SLC25A43: variants seen among roughly 807,000 people sequenced by gnomAD.
The protein encoded by SLC25A43 is solute carrier family 25, member 43.
Under a neutral mutation model 22.8 loss-of-function variants are expected in SLC25A43, and 10 were observed. That is an observed-to-expected ratio of 0.44 (90% confidence interval 0.27 to 0.74). The LOEUF (loss-of-function observed/expected upper bound fraction) is 0.74. SLC25A43 is among the 30% of genes least tolerant of loss of function. SLC25A43 has a pLI of 0.17. For missense variants in SLC25A43, 233 were observed against 279.1 expected (o/e 0.83, Z 1.18); for synonymous variants, 106 against 121.6 (o/e 0.87, Z 0.84).
Position 119,399,402 on chromosome X carries a change from C to G in SLC25A43, c.-2C>G. ...GGTCTTCCGGGCCCGGGTCGGGGCT[C>G]GATGGCTACGTGGAGGCGGGACGGC... On this transcript the variant is annotated 5_prime_UTR_variant, in exon 1 of 5. Transcript: ENST00000217909. 1 of 1,007,197 alleles carries G rather than the reference C, an allele frequency of 9.9e-7. No homozygotes were observed. The highest frequency in any genetic ancestry group is 1.3e-6 in the Non-Finnish European group (1 of 795,481). The allele number at this position is 1,007,197 out of a possible 1,213,427, so 83.0% of individuals were successfully genotyped here. A position where few individuals can be genotyped will look rare whatever the true frequency, so the allele number is the denominator to read the frequency against.
intron 3 of SLC25A43, among the ~76,000 whole-genome samples, chrX:119,422,147 T>C (rs960851300): frequency 3.6e-5 from 4 of 111,968 alleles, no homozygotes; most frequent in African/African-American, 1.3e-4. Context: ...ACTCCTGACC[T>C]CTGGTGATCC....
intron 3 of SLC25A43, among the ~76,000 whole-genome samples, chrX:119,421,633 T>A (rs763109519): frequency 5.2e-4 from 58 of 112,092 alleles, no homozygotes; most frequent in South Asian, 3.7e-3. Flanking sequence ...CTGTCTTTTC[T>A]GACCTACTGT....
chrX:119,424,220 A>G (rs2052483375), intron 3 of SLC25A43, among the ~76,000 whole-genome samples: 1 of 110,137 alleles, frequency 9.1e-6, no homozygotes, highest in Non-Finnish European at 1.9e-5. Flanking sequence ...CTCAAAAAAA[A>G]AAAAAAAGAA....
At chrX:119,413,100 CAGAG>C (rs2052365661) in intron 3 of SLC25A43, among the ~76,000 whole-genome samples, 1 of 108,188 alleles carries the variant, frequency 9.2e-6, no homozygotes, top group Non-Finnish European at 1.9e-5. Context: ...GCCTGGGTGA[CAGAG>C]AGAGACCCTG....
chrX:119,411,157 G>A (rs914216354), intron 3 of SLC25A43, among the ~76,000 whole-genome samples: 1 of 111,044 alleles, frequency 9.0e-6, no homozygotes, highest in African/African-American at 3.3e-5. Flanking sequence ...TAGCTAACAA[G>A]GGTCCAGCAT....
intron 3 of SLC25A43, among the ~76,000 whole-genome samples, chrX:119,429,791 C>T (rs1017732625): frequency 9.0e-6 from 1 of 111,657 alleles, no homozygotes; most frequent in East Asian, 2.8e-4. Context: ...CAGAAGATTT[C>T]CCTGGGGAAA....
In SLC25A43 at chrX:119,453,894, A is replaced by C. The variant is rs2052723834; in HGVS notation, c.*829A>C. On this transcript the variant is annotated 3_prime_UTR_variant, in exon 5 of 5. Transcript: ENST00000217909. Reference sequence around the variant, plus strand: ...CACACCACAGTGTAAATTATGCCTTATCAGAATCTAAATGAAAATAGCGAA... The same window carrying C: ...CACACCACAGTGTAAATTATGCCTTCTCAGAATCTAAATGAAAATAGCGAA... 2.7e-5 allele frequency: 3 copies of C among 112,601 alleles called. No individual in the cohort carries two copies. Among genetic ancestry groups the C allele is most frequent in the African/African-American group, 3.2e-5 (1 of 31,012 alleles). 9.3% of individuals were successfully genotyped at this position (112,601 alleles called of 1,213,427 possible). A position where few individuals can be genotyped will look rare whatever the true frequency, so the allele number is the denominator to read the frequency against.
chrX:119,405,344 T>G (rs373454894), intron 1 of SLC25A43, among the ~76,000 whole-genome samples: 12 of 109,896 alleles, frequency 1.1e-4, no homozygotes, highest in African/African-American at 3.7e-4. Context: ...TTAAATGCTT[T>G]CACCTGAATG....
At position 119,452,187 on chromosome X, in the gene SLC25A43, A is replaced by G. The variant is rs780691262; in HGVS notation, c.825+44A>G. The G allele has an allele frequency of 1.4e-5, 16 of 1,152,006 alleles. No homozygotes were observed. In the Admixed American group the frequency reaches 4.4e-4, roughly 31 times the overall value. 94.9% of individuals were successfully genotyped at this position (1,152,006 alleles called of 1,213,427 possible). A position where few individuals can be genotyped will look rare whatever the true frequency, so the allele number is the denominator to read the frequency against. On this transcript the variant is annotated intron_variant, in intron 4 of 4. Coordinates refer to ENST00000217909, the MANE Select transcript of SLC25A43 (RefSeq NM_145305.3). ...CTCCGCTGCTCCCCTGCCTCTTCCA[A>G]TTCTACCCTCTTCCTTTGTCACCCC... is the stretch of plus-strand genomic sequence containing the variant.
At chrX:119,449,622 A>AT (rs2052691809) in intron 3 of SLC25A43, among the ~76,000 whole-genome samples, 5 of 109,206 alleles carry the variant, frequency 4.6e-5, no homozygotes, top group African/African-American at 1.0e-4. Context: ...CCCAGCTACC[A>AT]GGGAGGCTAA....
At chrX:119,451,268 C>G (rs1262153152) in intron 3 of SLC25A43, among the ~76,000 whole-genome samples, 8 of 111,700 alleles carry the variant, frequency 7.2e-5, no homozygotes, top group Non-Finnish European at 1.5e-4. Flanking sequence ...GTGATGATGT[C>G]CACGGGGTGG....
chrX:119,426,740 T>C (rs867235679), intron 3 of SLC25A43, among the ~76,000 whole-genome samples: 9 of 108,939 alleles, frequency 8.3e-5, no homozygotes, highest in African/African-American at 3.0e-4. Flanking sequence ...TGATAATCAC[T>C]TGAACCAAGG....
chrX:119,434,166 G>A (rs1331438320), intron 3 of SLC25A43, among the ~76,000 whole-genome samples: 1 of 110,391 alleles, frequency 9.1e-6, no homozygotes, highest in Non-Finnish European at 1.9e-5. Flanking sequence ...AAAGGTGAGA[G>A]ACAGAGAAAA....
Position 119,399,547 on chromosome X carries a change from C to A in SLC25A43, c.144C>A (p.His48Gln). 1 of 1,064,180 alleles carries A rather than the reference C, an allele frequency of 9.4e-7. No homozygotes were observed. Among genetic ancestry groups the A allele is most frequent in the South Asian group, 2.4e-5 (1 of 41,197 alleles). 87.7% of individuals were successfully genotyped at this position (1,064,180 alleles called of 1,213,427 possible). A position where few individuals can be genotyped will look rare whatever the true frequency, so the allele number is the denominator to read the frequency against. Residue 48 changes from histidine to glutamine, a missense_variant, in exon 1 of 5, where the codon CAC becomes CAA. Physicochemically the swap from His to Gln is conservative, Grantham distance 24. Transcript: ENST00000217909. ...CCCAGGTTGGCGTCGTGCGAGGCCA[C>A]GCCCGGGGACCGTGGGCCACAGGGC... is the stretch of plus-strand genomic sequence containing the variant. Reference protein sequence around the residue: ...VLAQVGVVRGHARGPWATGHR... With the variant: ...VLAQVGVVRGQARGPWATGHR...
intron 3 of SLC25A43, among the ~76,000 whole-genome samples, chrX:119,427,177 C>G (rs768423395): frequency 9.0e-6 from 1 of 111,554 alleles, no homozygotes; most frequent in Non-Finnish European, 1.9e-5. Context: ...CAGGCCTCAG[C>G]AGCTCTGCTC....
At chrX:119,430,932 A>C (rs915696893) in intron 3 of SLC25A43, among the ~76,000 whole-genome samples, 1 of 111,918 alleles carries the variant, frequency 8.9e-6, no homozygotes, top group Non-Finnish European at 1.9e-5. Flanking sequence ...TTCAGTGTAC[A>C]TGCTTTGGCA....
intron 3 of SLC25A43, among the ~76,000 whole-genome samples, chrX:119,448,770 T>A (rs1230374303): frequency 8.9e-6 from 1 of 112,421 alleles, no homozygotes; most frequent in Non-Finnish European, 1.9e-5. Context: ...ACTTATTTAT[T>A]TTCTTTCTTT....
intron 3 of SLC25A43, chrX:119,434,524 GCA>G (rs2052581721): frequency 9.3e-6 from 1 of 108,045 alleles, no homozygotes; most frequent in Non-Finnish European, 1.9e-5. Context: ...GGAGGGTCAG[GCA>G]TGGTGGTGCA....
chrX:119,448,940 AG>A (rs966313434), intron 3 of SLC25A43, among the ~76,000 whole-genome samples: 2 of 111,509 alleles, frequency 1.8e-5, no homozygotes, highest in Non-Finnish European at 3.8e-5. Context: ...AGTATAAAAA[AG>A]AGCTAAGGAG....
Sources: gnomAD v4.1 joint callset for allele counts (sites outside exome capture counted in the v4.1 genomes callset) on GRCh38, gnomAD v4.1.1 for gene constraint, MANE v1.5 for transcripts, NCBI Gene and HGNC (gene_info 2026-07-23, HGNC 2026-07-21) for gene names.